Variants in CADPS2 observed in about 807,000 individuals in gnomAD.
The protein encoded by CADPS2 is calcium dependent secretion activator 2, also known as calcium-dependent secretion activator 2.
In CADPS2, 93 loss-of-function variants were observed where a neutral mutation model predicts 172.5. The ratio of observed to expected loss-of-function variants is 0.54; its 90% CI spans 0.46 to 0.64. The LOEUF (loss-of-function observed/expected upper bound fraction) is 0.64, where lower values mean the gene tolerates loss of function less well. Ranked by LOEUF, CADPS2 falls within the 30% of genes least tolerant of loss-of-function variation. The probability of loss-of-function intolerance (pLI) is 0.00; values close to 1 mark genes in which losing one functional copy is unlikely to be tolerated. For missense variants in CADPS2, 1,420 were observed against 1,565.9 expected, an observed-to-expected ratio of 0.91 and a Z score of 1.57; for synonymous variants, 546 against 555.2, an observed-to-expected ratio of 0.98 and a Z score of 0.23.
intron 2 of CADPS2, among the ~76,000 whole-genome samples, chr7:122,681,059 C>A (rs1471155548): frequency 6.8e-6 from 1 of 146,046 alleles, no homozygotes; most frequent in South Asian, 2.2e-4. Context: ...TATTCTCACT[C>A]ATAGGTGGGA....
intron 8 of CADPS2, among the ~76,000 whole-genome samples, chr7:122,548,562 A>G (rs139303150): frequency 2.1e-4 from 32 of 152,336 alleles, no homozygotes; most frequent in African/African-American, 6.7e-4. Flanking sequence ...TGGTAGAGCT[A>G]TATGGATCAA....
intron 2 of CADPS2, among the ~76,000 whole-genome samples, chr7:122,685,388 A>G (rs140949522): frequency 6.6e-6 from 1 of 152,318 alleles, no homozygotes; most frequent in African/African-American, 2.4e-5. Context: ...AATTCTTCCC[A>G]AGCCCATTCT....
intron 8 of CADPS2, among the ~76,000 whole-genome samples, chr7:122,550,911 T>A (rs1283583711): frequency 2.6e-5 from 4 of 152,176 alleles, no homozygotes; most frequent in Non-Finnish European, 5.9e-5. Context: ...TCCAAAAGAA[T>A]AAATAAACTC....
chr7:122,474,165 C>G (rs1001203409), intron 13 of CADPS2, among the ~76,000 whole-genome samples: 1 of 152,132 alleles, frequency 6.6e-6, no homozygotes, highest in Admixed American at 6.6e-5. Flanking sequence ...TATTGAGTGG[C>G]ACAGCAGTGG....
chr7:122,679,268 G>GGGGGGGT, intron 2 of CADPS2, among the ~76,000 whole-genome samples: 1 of 100,954 alleles, frequency 9.9e-6, no homozygotes, highest in South Asian at 6.4e-4. Flanking sequence ...GCATTCCTGG[G>GGGGGGGT]GGGGGGGGGC....
At chr7:122,611,126 A>G (rs2074241722) in intron 6 of CADPS2, among the ~76,000 whole-genome samples, 1 of 152,172 alleles carries the variant, frequency 6.6e-6, no homozygotes, top group East Asian at 1.9e-4. Flanking sequence ...AAAGATCTCA[A>G]ATCAAAAGCC....
intron 1 of CADPS2, among the ~76,000 whole-genome samples, chr7:122,808,654 G>A (rs187507817): frequency 6.6e-5 from 10 of 152,276 alleles, no homozygotes; most frequent in Admixed American, 4.6e-4. Context: ...AGATATCTCT[G>A]AACAGAGGTA....
chr7:122,418,600 T>C (rs1007310106), intron 17 of CADPS2, among the ~76,000 whole-genome samples: 2 of 152,074 alleles, frequency 1.3e-5, no homozygotes, highest in African/African-American at 4.8e-5. Flanking sequence ...TCTGGTTTAG[T>C]AGAACAGTGA....
chr7:122,369,184 T>C (rs979606285), intron 25 of CADPS2, among the ~76,000 whole-genome samples: 1 of 121,084 alleles, frequency 8.3e-6, no homozygotes, highest in Non-Finnish European at 1.6e-5. Flanking sequence ...CAGGCTGGAG[T>C]GCAGTGGCGC....
At chr7:122,721,577 CA>C (rs1162886142) in intron 2 of CADPS2, among the ~76,000 whole-genome samples, 1 of 152,052 alleles carries the variant, frequency 6.6e-6, no homozygotes, top group Non-Finnish European at 1.5e-5. Context: ...AGTCCAGGAC[CA>C]GATGGATTCA....
intron 25 of CADPS2, among the ~76,000 whole-genome samples, chr7:122,367,463 T>TG (rs2041075007): frequency 6.6e-6 from 1 of 151,664 alleles, no homozygotes; most frequent in African/African-American, 2.4e-5. Context: ...ATGGAGGCCC[T>TG]GTTCAGCAGT....
chr7:122,658,548 T>C (rs543318779), intron 3 of CADPS2, among the ~76,000 whole-genome samples: 1 of 152,308 alleles, frequency 6.6e-6, no homozygotes, highest in African/African-American at 2.4e-5. Context: ...GGAAATACTA[T>C]GCAGCCGTAA....
intron 17 of CADPS2, among the ~76,000 whole-genome samples, chr7:122,430,221 A>C (rs2049714566): frequency 6.6e-6 from 1 of 152,202 alleles, no homozygotes; most frequent in Admixed American, 6.5e-5. Context: ...CCTTTTGTTC[A>C]GGGCACCTCC....
chr7:122,779,285 G>A (rs1341614064), intron 1 of CADPS2, among the ~76,000 whole-genome samples: 1 of 152,078 alleles, frequency 6.6e-6, no homozygotes, highest in Non-Finnish European at 1.5e-5. Flanking sequence ...ACTTTAGGTG[G>A]GACAGCTCTA....
At chr7:122,737,146 T>A (rs1165185351) in intron 1 of CADPS2, 78 bp from the exon 2 acceptor site, 3 of 732,940 alleles carry the variant, frequency 4.1e-6, no homozygotes, top group Non-Finnish European at 4.8e-6. Context: ...TCATATTTGC[T>A]GTATATTAGA....
At chr7:122,765,542 C>T (rs977994814) in intron 1 of CADPS2, among the ~76,000 whole-genome samples, 3 of 152,048 alleles carry the variant, frequency 2.0e-5, no homozygotes, top group Admixed American at 1.3e-4. Flanking sequence ...TCCTACAGTA[C>T]CTACTTCATG....
At chr7:122,809,395 C>T (rs1290938671) in intron 1 of CADPS2, among the ~76,000 whole-genome samples, 1 of 149,808 alleles carries the variant, frequency 6.7e-6, no homozygotes, top group East Asian at 1.9e-4. Flanking sequence ...TGGTGAAACC[C>T]CATCTCTACT....
At chr7:122,726,132 TGAAA>T (rs1292508722) in intron 2 of CADPS2, among the ~76,000 whole-genome samples, 3 of 151,882 alleles carry the variant, frequency 2.0e-5, no homozygotes, top group Non-Finnish European at 4.4e-5. Flanking sequence ...AATGATCTTA[TGAAA>T]ATAAGATTCT....
chr7:122,372,773 C>A (rs2041923075), intron 25 of CADPS2, among the ~76,000 whole-genome samples: 1 of 152,044 alleles, frequency 6.6e-6, no homozygotes, highest in Admixed American at 6.6e-5. Context: ...AATATAGAAA[C>A]CGCATATTTT....
Sources: gnomAD v4.1 joint callset for allele counts (sites outside exome capture counted in the v4.1 genomes callset) on GRCh38, gnomAD v4.1.1 for gene constraint, MANE v1.5 for transcripts, NCBI Gene and HGNC (gene_info 2026-07-23, HGNC 2026-07-21) for gene names.